DGKB: variants seen among roughly 807,000 people sequenced by gnomAD.
DGKB encodes 90 kDa diacylglycerol kinase.
DGKB carries 67 observed loss-of-function variants against 114.3 expected under a neutral mutation model. That is an observed-to-expected ratio of 0.59 (90% CI 0.48 to 0.72). DGKB has a LOEUF of 0.72. Among genes scored for constraint, DGKB ranks in the 30% least tolerant of loss-of-function variants. The pLI is 0.00. For synonymous variants in DGKB, 398 were observed against 323.1 expected, an observed-to-expected ratio of 1.23 and a Z score of -2.49; for missense variants, 907 against 975.2, an observed-to-expected ratio of 0.93 and a Z score of 0.93.
At chr7:14,179,252 C>T (rs1782270250) in intron 23 of DGKB, among the ~76,000 whole-genome samples, 1 of 152,216 alleles carries the variant, frequency 6.6e-6, no homozygotes, top group Non-Finnish European at 1.5e-5. Context: ...TCCCAAGACT[C>T]AGTGACAGCC....
rs114441344 is a variant in DGKB at position 14,572,619 on chromosome 7, G to C, written c.1770+1593C>G. The stretch of plus-strand genomic sequence containing the variant: ...AAACAAAAAATCCTAAGAGACTTAA[G>C]AGACAGGCATCATTAATATCTAAAG... On this transcript the variant is annotated intron_variant, in intron 20 of 25. Coordinates refer to ENST00000402815, the MANE Select transcript of DGKB (RefSeq NM_001350709.2). Among the ~76,000 whole-genome samples the C allele has an allele frequency of 6.7e-3, 1,019 of 152,226 alleles. 16 individuals are homozygous for C. The highest frequency in any genetic ancestry group is 0.024 in the African/African-American group (987 of 41,544).
chr7:14,626,027 G>C (rs1808512213), intron 14 of DGKB, among the ~76,000 whole-genome samples: 1 of 151,868 alleles, frequency 6.6e-6, no homozygotes, highest in South Asian at 2.1e-4. Flanking sequence ...AAGCCAAAAA[G>C]ACCATTCACA....
chr7:14,376,076 G>C (rs1818437830), intron 21 of DGKB, among the ~76,000 whole-genome samples: 1 of 152,188 alleles, frequency 6.6e-6, no homozygotes, highest in Non-Finnish European at 1.5e-5. Flanking sequence ...CAGGGTAAAA[G>C]AGACTAGAAG....
intron 7 of DGKB, among the ~76,000 whole-genome samples, 195 bp from the exon 8 acceptor site, chr7:14,698,364 T>C (rs1459462808): frequency 6.6e-6 from 1 of 152,132 alleles, no homozygotes; most frequent in Non-Finnish European, 1.5e-5. Context: ...AATATAAATT[T>C]ATCTTGTACA....
intron 1 of DGKB, among the ~76,000 whole-genome samples, chr7:14,879,846 T>C (rs538777418): frequency 3.5e-4 from 53 of 152,256 alleles, no homozygotes; most frequent in Non-Finnish European, 5.4e-4. Flanking sequence ...TAAATGACAA[T>C]TGTATGTCTG....
intron 13 of DGKB, among the ~76,000 whole-genome samples, chr7:14,634,479 G>GACAC (rs1810346281): frequency 1.2e-5 from 1 of 83,062 alleles, no homozygotes. Flanking sequence ...TCTACAAAGT[G>GACAC]ATACACACAC....
intron 21 of DGKB, among the ~76,000 whole-genome samples, chr7:14,437,406 T>G (rs982785468): frequency 4.6e-5 from 7 of 152,112 alleles, no homozygotes; most frequent in African/African-American, 1.7e-4. Flanking sequence ...TACCAGCTCA[T>G]TGGTTTCTGG....
chr7:14,911,076 C>A (rs1783977806), intron 1 of DGKB, among the ~76,000 whole-genome samples: 1 of 151,940 alleles, frequency 6.6e-6, no homozygotes, highest in African/African-American at 2.4e-5. Flanking sequence ...ACTCATTAAT[C>A]TTAATATATA....
intron 14 of DGKB, among the ~76,000 whole-genome samples, chr7:14,621,815 T>A (rs1349112613): frequency 3.3e-5 from 5 of 152,088 alleles, no homozygotes; most frequent in African/African-American, 1.2e-4. Context: ...ATGATACAGA[T>A]AAAGGGTACA....
intron 15 of DGKB, among the ~76,000 whole-genome samples, chr7:14,616,771 C>G (rs1277220744): frequency 6.6e-6 from 1 of 151,680 alleles, no homozygotes; most frequent in African/African-American, 2.4e-5. Flanking sequence ...CTACAGAGCC[C>G]TGTGTCTTTT....
At chr7:14,149,456 T>G (rs950541939) in intron 25 of DGKB, among the ~76,000 whole-genome samples, 1 of 152,164 alleles carries the variant, frequency 6.6e-6, no homozygotes, top group Non-Finnish European at 1.5e-5. Context: ...CTCAGGATAA[T>G]AATTTTAAAA....
At chr7:14,968,713 C>T (rs968370294) in intron 1 of DGKB, among the ~76,000 whole-genome samples, 4 of 152,262 alleles carry the variant, frequency 2.6e-5, no homozygotes, top group South Asian at 2.1e-4. Flanking sequence ...AGGCCCTTTG[C>T]TCTGGAAAAG....
intron 20 of DGKB, among the ~76,000 whole-genome samples, chr7:14,496,192 CAT>C (rs1334103740): frequency 2.0e-5 from 3 of 151,746 alleles, no homozygotes; most frequent in Non-Finnish European, 2.9e-5. Context: ...TTTCATCAAA[CAT>C]GTGCATAAGA....
chr7:14,199,116 T>C (rs939945363), intron 23 of DGKB, among the ~76,000 whole-genome samples: 1 of 152,012 alleles, frequency 6.6e-6, no homozygotes, highest in Non-Finnish European at 1.5e-5. Flanking sequence ...AGTTACATAG[T>C]AATTTTTTTG....
chr7:14,406,162 G>A (rs1001185904), intron 21 of DGKB, among the ~76,000 whole-genome samples: 2 of 151,894 alleles, frequency 1.3e-5, no homozygotes, highest in Non-Finnish European at 2.9e-5. Context: ...CCCTCCATTC[G>A]TTATATCACC....
At chr7:14,839,358 AAAG>A (rs1847592597) in intron 2 of DGKB, among the ~76,000 whole-genome samples, 2 of 151,948 alleles carry the variant, frequency 1.3e-5, no homozygotes, top group South Asian at 2.1e-4. Context: ...TGCAAGTGAT[AAAG>A]AAGAAGTAGG....
rs376115452 is a variant in DGKB, at chr7:14,671,401, G to A, written c.1134+1528C>T. 4.6e-5 allele frequency among the ~76,000 whole-genome samples: 7 copies of A among 152,238 alleles called. No homozygotes were observed. In the East Asian group the frequency reaches 1.4e-3, roughly 29 times the overall value. ...ACAAAAATGGTAAACAACAAATGCTGAGATATAAATTATTAAAACTGTGGG... is the reference window on the plus strand; with the variant it reads ...ACAAAAATGGTAAACAACAAATGCTAAGATATAAATTATTAAAACTGTGGG... On this transcript the variant is annotated intron_variant, in intron 13 of 25. Coordinates refer to ENST00000402815, the MANE Select transcript of DGKB (RefSeq NM_001350709.2).
At chr7:14,801,651 A>G (rs771706020) in intron 2 of DGKB, among the ~76,000 whole-genome samples, 3 of 152,002 alleles carry the variant, frequency 2.0e-5, no homozygotes, top group Non-Finnish European at 2.9e-5. Flanking sequence ...CCTGGGACTA[A>G]CAGTTACACT....
At chr7:14,362,625 C>T (rs1401488838) in intron 21 of DGKB, among the ~76,000 whole-genome samples, 1 of 146,150 alleles carries the variant, frequency 6.8e-6, no homozygotes, top group African/African-American at 2.6e-5. Context: ...TCTTCTCATT[C>T]TTAGAGTGTA....
Sources: gnomAD v4.1 joint callset for allele counts (sites outside exome capture counted in the v4.1 genomes callset) on GRCh38, gnomAD v4.1.1 for gene constraint, MANE v1.5 for transcripts, NCBI Gene and HGNC (gene_info 2026-07-23, HGNC 2026-07-21) for gene names.